Variants in SHANK2 observed in about 807,000 individuals in gnomAD.
SHANK2 encodes the protein SH3 and multiple ankyrin repeat domains protein 2.
A neutral mutation model predicts 133.7 loss-of-function variants in SHANK2; 43 were observed. The ratio of observed to expected loss-of-function variants is 0.32; its 90% CI spans 0.25 to 0.41. SHANK2 has a LOEUF of 0.41. Ranked by LOEUF, SHANK2 falls within the 10% of genes least tolerant of loss-of-function variation. The pLI is 1.00. For synonymous variants in SHANK2, 1,017 were observed against 952.8 expected (o/e 1.07, Z -1.24); for missense variants, 1,994 against 2,235.8 (o/e 0.89, Z 2.18).
chr11:70,649,202 G>A (rs552276954), intron 17 of SHANK2, among the ~76,000 whole-genome samples: 33 of 152,262 alleles, frequency 2.2e-4, no homozygotes, highest in Admixed American at 4.6e-4. Context: ...GCCCAGGACC[G>A]TCCCTGTCTA....
chr11:70,502,715 GC>G, intron 18 of SHANK2, 80 bp downstream of exon 18: 3 of 1,379,098 alleles, frequency 2.2e-6, no homozygotes, highest in Non-Finnish European at 2.0e-6. Flanking sequence ...AGGGCCCACT[GC>G]CCCCCAGCTG....
At chr11:71,108,934 CG>C (rs1951843633) in intron 6 of SHANK2, among the ~76,000 whole-genome samples, 1 of 149,650 alleles carries the variant, frequency 6.7e-6, no homozygotes, top group African/African-American at 2.5e-5. Flanking sequence ...CCACACCCAG[CG>C]GGCCCCCCCC....
intron 15 of SHANK2, among the ~76,000 whole-genome samples, chr11:70,672,827 G>T (rs1027097578): frequency 6.6e-6 from 1 of 152,206 alleles, no homozygotes; most frequent in African/African-American, 2.4e-5. Context: ...GCCAGCCACC[G>T]GTGTTATTTT....
chr11:70,867,469 G>A (rs991226358), intron 11 of SHANK2, among the ~76,000 whole-genome samples: 12 of 152,188 alleles, frequency 7.9e-5, no homozygotes, highest in African/African-American at 2.4e-4. Flanking sequence ...TGGGGAGTAC[G>A]GCATGCGCAT....
At chr11:70,746,632 G>A (rs947775672) in intron 14 of SHANK2, among the ~76,000 whole-genome samples, 2 of 152,150 alleles carry the variant, frequency 1.3e-5, no homozygotes, top group African/African-American at 2.4e-5. Context: ...CCATCTCCCC[G>A]CTGCTTTCAG....
chr11:70,653,100 G>A (rs1007833057), intron 17 of SHANK2, among the ~76,000 whole-genome samples: 1 of 151,428 alleles, frequency 6.6e-6, no homozygotes, highest in Non-Finnish European at 1.5e-5. Flanking sequence ...AGCCTCCCGA[G>A]TAGCTGGGAC....
At chr11:71,160,111 C>T (rs1952985062) in intron 2 of SHANK2, among the ~76,000 whole-genome samples, 1 of 152,002 alleles carries the variant, frequency 6.6e-6, no homozygotes, top group African/African-American at 2.4e-5. Context: ...TCGCAGGGGA[C>T]ACCTGAAGGG....
chr11:70,563,444 CAG>C (rs2059932400), intron 17 of SHANK2, among the ~76,000 whole-genome samples: 1 of 152,006 alleles, frequency 6.6e-6, no homozygotes, highest in South Asian at 2.1e-4. Context: ...TGTTTAAAGA[CAG>C]TTATCTTTCG....
rs200700987 is a variant in SHANK2 at position 70,556,389 on chromosome 11, TTCTTTC to T, written c.2062-53464_2062-53459del. 4.8e-3 allele frequency among the ~76,000 whole-genome samples: 657 copies of T among 136,222 alleles called. 3 individuals carry two copies. Among genetic ancestry groups the T allele is most frequent in the East Asian group, 0.011 (54 of 4,936 alleles). 89.4% of individuals were successfully genotyped at this position (136,222 alleles called of 152,430 possible). ...ATTTATTTTCTCTCTGTCTCTTTCT[TTCTTTC>T]TCTCTCTCTCTCTCTCTCTCTCTCT... On this transcript the variant is annotated intron_variant, in intron 17 of 25. Transcript: ENST00000601538.
intron 6 of SHANK2, among the ~76,000 whole-genome samples, chr11:71,101,197 A>G (rs1401011097): frequency 2.0e-5 from 3 of 152,148 alleles, no homozygotes; most frequent in African/African-American, 7.2e-5. Context: ...CTGTCAACCT[A>G]AAACTGGGCT....
At chr11:71,084,922 C>G (rs1951358155) in intron 8 of SHANK2, among the ~76,000 whole-genome samples, 2 of 152,132 alleles carry the variant, frequency 1.3e-5, no homozygotes, top group East Asian at 3.9e-4. Flanking sequence ...TAAAGCAGCT[C>G]AGGACAATGA....
At chr11:70,857,326 C>A (rs1209125223) in intron 11 of SHANK2, among the ~76,000 whole-genome samples, 1 of 152,096 alleles carries the variant, frequency 6.6e-6, no homozygotes, top group Non-Finnish European at 1.5e-5. Flanking sequence ...GACTTAGCAC[C>A]CAGTAAATAC....
intron 17 of SHANK2, among the ~76,000 whole-genome samples, chr11:70,552,616 C>T (rs1319616979): frequency 2.0e-5 from 3 of 152,154 alleles, no homozygotes; most frequent in African/African-American, 2.4e-5. Context: ...CTGGGCAAGC[C>T]GCGGGCCACC....
chr11:70,901,530 C>T (rs1950023215), intron 10 of SHANK2, among the ~76,000 whole-genome samples: 2 of 152,152 alleles, frequency 1.3e-5, no homozygotes, highest in Admixed American at 1.3e-4. Context: ...CTCTACAGCT[C>T]GCCTGTTTTT....
intron 17 of SHANK2, among the ~76,000 whole-genome samples, chr11:70,589,361 A>T (rs1565156145): frequency 6.6e-6 from 1 of 152,220 alleles, no homozygotes; most frequent in Non-Finnish European, 1.5e-5. Context: ...GGATGACAGC[A>T]TATCTGTTTA....
intron 22 of SHANK2, among the ~76,000 whole-genome samples, chr11:70,491,505 G>A (rs2058886703): frequency 6.6e-6 from 1 of 152,238 alleles, no homozygotes; most frequent in Non-Finnish European, 1.5e-5. Context: ...ATTATTAACA[G>A]TTGTTTAATG....
At chr11:70,636,667 G>C (rs1473751743) in intron 17 of SHANK2, among the ~76,000 whole-genome samples, 1 of 148,642 alleles carries the variant, frequency 6.7e-6, no homozygotes, top group Non-Finnish European at 1.5e-5. Context: ...ATATGTGTGA[G>C]CACGTGTGAG....
chr11:71,239,811 G>A (rs1222742544), intron 1 of SHANK2, among the ~76,000 whole-genome samples: 1 of 152,140 alleles, frequency 6.6e-6, no homozygotes, highest in Non-Finnish European at 1.5e-5. Flanking sequence ...GGAGTGTCCT[G>A]CAGCTGGCTG....
At chr11:70,903,137 G>A (rs1467470050) in intron 10 of SHANK2, among the ~76,000 whole-genome samples, 2 of 152,100 alleles carry the variant, frequency 1.3e-5, no homozygotes, top group Non-Finnish European at 2.9e-5. Flanking sequence ...AGCACTTTGG[G>A]AAGCTGAGGT....
Sources: gnomAD v4.1 joint callset for allele counts (sites outside exome capture counted in the v4.1 genomes callset) on GRCh38, gnomAD v4.1.1 for gene constraint, MANE v1.5 for transcripts, NCBI Gene and HGNC (gene_info 2026-07-23, HGNC 2026-07-21) for gene names.